The following NKAIN2 variants were observed in gnomAD, a reference collection of about 807,000 sequenced individuals.
NKAIN2 encodes sodium/potassium transporting ATPase interacting 2.
NKAIN2 carries 14 observed loss-of-function variants against 32.6 expected under a neutral mutation model. The ratio of observed to expected loss-of-function variants is 0.43; its 90% CI spans 0.28 to 0.67. The LOEUF is 0.67. NKAIN2 is among the 30% of genes least tolerant of loss of function. The pLI, the probability that NKAIN2 is intolerant of heterozygous loss-of-function variation, is 0.17. For synonymous variants in NKAIN2, 80 were observed against 87.2 expected (o/e 0.92, Z 0.46); for missense variants, 198 against 258.3 (o/e 0.77, Z 1.60).
rs560364296 is a variant in NKAIN2 at position 124,110,927 on chromosome 6, T to C, written c.55-172078T>C. Among the ~76,000 whole-genome samples, 38 of 152,238 alleles carry C rather than the reference T, an allele frequency of 2.5e-4. 1 individual carries two copies. The South Asian group carries it at 7.7e-3, about 31-fold the overall frequency. ...GTATATATCCAGTTCCCTCATTTTC[T>C]ATTTCATATTTTAAATATTTGGTAG... On this transcript the variant is annotated intron_variant, in intron 1 of 6. Transcript: ENST00000368417.
intron 3 of NKAIN2, among the ~76,000 whole-genome samples, chr6:124,583,673 A>T (rs1781605737): frequency 6.6e-6 from 1 of 152,196 alleles, no homozygotes; most frequent in South Asian, 2.1e-4. Flanking sequence ...CAATCGACCT[A>T]GAACAGCCAA....
intron 3 of NKAIN2, among the ~76,000 whole-genome samples, chr6:124,405,434 T>C (rs1325736821): frequency 6.6e-6 from 1 of 152,156 alleles, no homozygotes; most frequent in African/African-American, 2.4e-5. Context: ...TAGGATGGGA[T>C]ATTTATTTTT....
At chr6:124,779,124 C>T (rs1779120552) in intron 4 of NKAIN2, among the ~76,000 whole-genome samples, 1 of 151,836 alleles carries the variant, frequency 6.6e-6, no homozygotes, top group African/African-American at 2.4e-5. Context: ...CTTGTAATCC[C>T]AGATACTTGG....
chr6:123,852,557 C>G (rs1464461984), intron 1 of NKAIN2, among the ~76,000 whole-genome samples: 2 of 152,144 alleles, frequency 1.3e-5, no homozygotes, highest in Non-Finnish European at 2.9e-5. Flanking sequence ...TATCTGCAGT[C>G]CTGTGTTCAT....
intron 1 of NKAIN2, among the ~76,000 whole-genome samples, chr6:124,243,951 C>G (rs1283177109): frequency 1.3e-5 from 2 of 151,834 alleles, no homozygotes; most frequent in Non-Finnish European, 2.9e-5. Flanking sequence ...TAATTTGAGC[C>G]TTTTGTTTAT....
At chr6:123,808,859 C>A (rs1379164955) in intron 1 of NKAIN2, among the ~76,000 whole-genome samples, 1 of 152,068 alleles carries the variant, frequency 6.6e-6, no homozygotes, top group Non-Finnish European at 1.5e-5. Flanking sequence ...GTCAGGGATT[C>A]CTTAAAATAG....
chr6:123,838,120 A>C (rs75023925), intron 1 of NKAIN2, among the ~76,000 whole-genome samples: 5,099 of 152,226 alleles, frequency 0.033, 119 homozygotes, highest in Middle Eastern at 0.068. Context: ...TATTCTTAGA[A>C]AATATACACC....
At chr6:123,819,501 T>C (rs1773835202) in intron 1 of NKAIN2, among the ~76,000 whole-genome samples, 1 of 152,212 alleles carries the variant, frequency 6.6e-6, no homozygotes, top group African/African-American at 2.4e-5. Flanking sequence ...ACCTGATTTT[T>C]CTGCTGGGGT....
At chr6:124,497,473 A>G (rs1778106060) in intron 3 of NKAIN2, among the ~76,000 whole-genome samples, 1 of 152,146 alleles carries the variant, frequency 6.6e-6, no homozygotes, top group South Asian at 2.1e-4. Flanking sequence ...GCCACTTTTA[A>G]TAAGAAGCCT....
intron 4 of NKAIN2, among the ~76,000 whole-genome samples, chr6:124,779,108 C>T (rs1254322917): frequency 6.6e-6 from 1 of 151,856 alleles, no homozygotes; most frequent in African/African-American, 2.4e-5. Context: ...GGCGTGGTGG[C>T]ACAGGCTTGT....
intron 1 of NKAIN2, among the ~76,000 whole-genome samples, chr6:123,924,258 C>A (rs1311693494): frequency 1.3e-5 from 2 of 152,184 alleles, no homozygotes; most frequent in African/African-American, 4.8e-5. Context: ...GGCAGTAATG[C>A]CGGTGAGTCT....
chr6:124,732,318 C>T (rs534717156), intron 4 of NKAIN2, among the ~76,000 whole-genome samples: 29 of 152,074 alleles, frequency 1.9e-4, no homozygotes, highest in South Asian at 1.0e-3. Flanking sequence ...AATAGAGATA[C>T]GGGCTCTTAC....
At chr6:124,363,906 A>G (rs1799402327) in intron 3 of NKAIN2, among the ~76,000 whole-genome samples, 3 of 152,162 alleles carry the variant, frequency 2.0e-5, no homozygotes, top group South Asian at 4.1e-4. Flanking sequence ...GAGAAGAAGA[A>G]GATACACAAT....
intron 1 of NKAIN2, among the ~76,000 whole-genome samples, chr6:124,214,542 A>G (rs1233506196): frequency 6.6e-6 from 1 of 152,116 alleles, no homozygotes; most frequent in African/African-American, 2.4e-5. Context: ...TGAGGTCAAG[A>G]GTTCAAGACC....
intron 3 of NKAIN2, among the ~76,000 whole-genome samples, chr6:124,503,098 T>C (rs958899299): frequency 1.3e-5 from 2 of 152,190 alleles, no homozygotes; most frequent in South Asian, 2.1e-4. Context: ...ACATCTTTCT[T>C]GTTTTTTTAG....
chr6:124,034,642 G>T (rs577524884), intron 1 of NKAIN2, among the ~76,000 whole-genome samples: 1 of 152,168 alleles, frequency 6.6e-6, no homozygotes, highest in East Asian at 1.9e-4. Context: ...ACCCAGTAGT[G>T]AGATTGCTAG....
At chr6:124,079,151 G>A (rs1367103981) in intron 1 of NKAIN2, among the ~76,000 whole-genome samples, 10 of 151,660 alleles carry the variant, frequency 6.6e-5, no homozygotes, top group Non-Finnish European at 1.0e-4. Context: ...GTGAAACCCC[G>A]TCTCTACTAA....
At chr6:124,111,495 T>C (rs910387056) in intron 1 of NKAIN2, among the ~76,000 whole-genome samples, 1 of 152,076 alleles carries the variant, frequency 6.6e-6, no homozygotes, top group Non-Finnish European at 1.5e-5. Context: ...GACTTAATGG[T>C]CATTTGTCTG....
chr6:123,918,786 C>CA, intron 1 of NKAIN2, among the ~76,000 whole-genome samples: 1 of 152,020 alleles, frequency 6.6e-6, no homozygotes, highest in Admixed American at 6.6e-5. Context: ...AAGTGTAATT[C>CA]ACTATATATC....
Sources: allele counts gnomAD v4.1 joint callset (sites outside exome capture counted in the v4.1 genomes callset), GRCh38; gene constraint gnomAD v4.1.1; transcripts MANE v1.5; gene names NCBI Gene and HGNC (gene_info 2026-07-23, HGNC 2026-07-21).